Variants in DNM3 observed in about 807,000 individuals in gnomAD.
DNM3 encodes the protein dynamin 3.
In DNM3, 47 loss-of-function variants were observed where a neutral mutation model predicts 101.6. That is an observed-to-expected ratio of 0.46 (90% CI 0.37 to 0.59). The LOEUF (loss-of-function observed/expected upper bound fraction) is 0.59. DNM3 is among the 20% of genes least tolerant of loss of function. The probability of loss-of-function intolerance (pLI) is 0.00; values close to 1 mark genes in which losing one functional copy is unlikely to be tolerated. For synonymous variants in DNM3, 385 were observed against 387.9 expected (o/e 0.99, Z 0.09); for missense variants, 849 against 1,085.7 (o/e 0.78, Z 3.06).
At chr1:172,134,665 C>A (rs567121389) in intron 14 of DNM3, among the ~76,000 whole-genome samples, 1 of 152,024 alleles carries the variant, frequency 6.6e-6, no homozygotes, top group African/African-American at 2.4e-5. Context: ...AGGCTCTTTC[C>A]CAATAAAGCA....
chr1:172,099,638 G>A (rs758285914), intron 13 of DNM3, among the ~76,000 whole-genome samples: 1 of 152,150 alleles, frequency 6.6e-6, no homozygotes, highest in Non-Finnish European at 1.5e-5. Context: ...CCAGGGAACT[G>A]GAGGTTTTAC....
At chr1:172,289,337 T>A (rs2063816423) in intron 15 of DNM3, among the ~76,000 whole-genome samples, 1 of 152,248 alleles carries the variant, frequency 6.6e-6, no homozygotes, top group South Asian at 2.1e-4. Flanking sequence ...TGGGATTTTA[T>A]TATTTTGGTG....
At chr1:172,070,983 C>T (rs537797287) in intron 11 of DNM3, among the ~76,000 whole-genome samples, 3 of 149,324 alleles carry the variant, frequency 2.0e-5, no homozygotes, top group African/African-American at 5.0e-5. Flanking sequence ...CCCAGCTACT[C>T]GGAGGCTGAG....
intron 1 of DNM3, among the ~76,000 whole-genome samples, chr1:171,866,900 C>T (rs2034807882): frequency 6.6e-6 from 1 of 152,142 alleles, no homozygotes; most frequent in East Asian, 1.9e-4. Flanking sequence ...GCTGAGATGA[C>T]ATAGATCATG....
chr1:172,040,271 T>C (rs2049277728), intron 7 of DNM3, among the ~76,000 whole-genome samples: 1 of 152,208 alleles, frequency 6.6e-6, no homozygotes, highest in Admixed American at 6.5e-5. Flanking sequence ...TACATGAACA[T>C]AACTAAATCC....
At chr1:172,403,278 A>G (rs1472829808) in intron 20 of DNM3, among the ~76,000 whole-genome samples, 1 of 152,168 alleles carries the variant, frequency 6.6e-6, no homozygotes, top group African/African-American at 2.4e-5. Flanking sequence ...AGAAAGGCCA[A>G]TCCATTTCAC....
chr1:172,249,552 C>T (rs1469764141), intron 14 of DNM3, among the ~76,000 whole-genome samples: 1 of 152,032 alleles, frequency 6.6e-6, no homozygotes, highest in Non-Finnish European at 1.5e-5. Flanking sequence ...TTGCTGGCGA[C>T]CCTCCTGTAT....
intron 14 of DNM3, among the ~76,000 whole-genome samples, chr1:172,247,787 T>A (rs975161871): frequency 2.2e-4 from 34 of 151,748 alleles, no homozygotes; most frequent in African/African-American, 7.3e-4. Context: ...TGGGTTCAAG[T>A]GATTCTCCTG....
At chr1:172,132,866 C>G (rs1270483573) in intron 14 of DNM3, 1 of 809,470 alleles carries the variant, frequency 1.2e-6, no homozygotes, top group Non-Finnish European at 2.1e-6. Flanking sequence ...GTCTTTTCTA[C>G]AGGACTATTT....
chr1:172,264,530 T>C (rs1267708729), intron 15 of DNM3, among the ~76,000 whole-genome samples: 1 of 152,218 alleles, frequency 6.6e-6, no homozygotes, highest in Admixed American at 6.5e-5. Flanking sequence ...TTAGATGAGG[T>C]TACGCTTGAT....
chr1:171,989,952 A>G (rs1365377181), intron 4 of DNM3, among the ~76,000 whole-genome samples: 2 of 151,574 alleles, frequency 1.3e-5, no homozygotes, highest in South Asian at 2.1e-4. Flanking sequence ...CTTTATTTCA[A>G]TCTTTCTCTT....
chr1:172,236,623 A>G (rs1173214187), intron 14 of DNM3, among the ~76,000 whole-genome samples: 2 of 152,042 alleles, frequency 1.3e-5, no homozygotes, highest in Non-Finnish European at 2.9e-5. Context: ...AAGGAAAAGG[A>G]GGGGAAGAAG....
At chr1:172,116,140 GTTCT>G (rs1295461292) in intron 13 of DNM3, among the ~76,000 whole-genome samples, 1 of 152,202 alleles carries the variant, frequency 6.6e-6, no homozygotes, top group Non-Finnish European at 1.5e-5. Flanking sequence ...TGAAATATCA[GTTCT>G]TTCTTGTTGG....
At chr1:171,879,067 T>TG (rs2036032706) in intron 1 of DNM3, among the ~76,000 whole-genome samples, 1 of 152,250 alleles carries the variant, frequency 6.6e-6, no homozygotes, top group Non-Finnish European at 1.5e-5. Flanking sequence ...TTCAATCTGC[T>TG]GCTCCCAAAT....
At chr1:172,400,879 C>CTT (rs2070432718) in intron 20 of DNM3, among the ~76,000 whole-genome samples, 1 of 152,146 alleles carries the variant, frequency 6.6e-6, no homozygotes, top group Admixed American at 6.6e-5. Flanking sequence ...TGCTAGTCCC[C>CTT]TTAACTTTCC....
At chr1:172,385,957 G>T (rs1421382985) in intron 18 of DNM3, among the ~76,000 whole-genome samples, 1 of 152,140 alleles carries the variant, frequency 6.6e-6, no homozygotes, top group Admixed American at 6.5e-5. Context: ...GAGATAATGG[G>T]GTAAGGGAAT....
intron 16 of DNM3, among the ~76,000 whole-genome samples, chr1:172,319,486 A>C (rs1402053246): frequency 1.3e-5 from 2 of 152,256 alleles, no homozygotes; most frequent in Non-Finnish European, 2.9e-5. Context: ...TTCTCATCTG[A>C]CAAAGGGCTA....
chr1:172,240,059 C>T (rs950121382), intron 14 of DNM3, among the ~76,000 whole-genome samples: 1 of 151,944 alleles, frequency 6.6e-6, no homozygotes, highest in Admixed American at 6.6e-5. Context: ...TCCCAGACTC[C>T]TGTACTCCTT....
At chr1:171,848,396 C>T (rs955932691) in intron 1 of DNM3, among the ~76,000 whole-genome samples, 2 of 151,998 alleles carry the variant, frequency 1.3e-5, no homozygotes, top group African/African-American at 2.4e-5. Context: ...ATAGTATACT[C>T]GTGAGTAAAG....
Sources: gnomAD v4.1 joint callset for allele counts (sites outside exome capture counted in the v4.1 genomes callset) on GRCh38, gnomAD v4.1.1 for gene constraint, MANE v1.5 for transcripts, NCBI Gene and HGNC (gene_info 2026-07-23, HGNC 2026-07-21) for gene names.